KLHL1: variants seen among roughly 807,000 people sequenced by gnomAD.
KLHL1 encodes kelch-like protein 1.
KLHL1 carries 47 observed loss-of-function variants against 77.7 expected under a neutral mutation model. The observed-to-expected ratio is 0.60, with a 90% CI of 0.48 to 0.77. The LOEUF is 0.77. Among genes scored for constraint, KLHL1 ranks in the 30% least tolerant of loss-of-function variants. KLHL1 has a pLI of 0.00. For synonymous variants in KLHL1, 360 were observed against 325.2 expected (o/e 1.11, Z -1.15); for missense variants, 925 against 910.8 (o/e 1.02, Z -0.20).
chr13:69,991,968 C>G (rs954324771), intron 1 of KLHL1, among the ~76,000 whole-genome samples: 12 of 151,874 alleles, frequency 7.9e-5, no homozygotes, highest in South Asian at 2.1e-4. Flanking sequence ...GAAGTGTTGT[C>G]CCTGAACATC....
intron 6 of KLHL1, among the ~76,000 whole-genome samples, chr13:69,828,733 G>A (rs1302583507): frequency 6.7e-6 from 1 of 150,048 alleles, no homozygotes; most frequent in Non-Finnish European, 1.5e-5. Flanking sequence ...TGGGAATAAG[G>A]CTGGCCTTGC....
intron 1 of KLHL1, among the ~76,000 whole-genome samples, chr13:70,089,695 A>G (rs1481773440): frequency 3.9e-5 from 6 of 152,160 alleles, no homozygotes; most frequent in Non-Finnish European, 8.8e-5. Context: ...GATTTAACTC[A>G]TGATTTTCCA....
chr13:69,754,273 C>G (rs551674330), intron 7 of KLHL1, among the ~76,000 whole-genome samples: 1 of 152,140 alleles, frequency 6.6e-6, no homozygotes, highest in Admixed American at 6.5e-5. Context: ...TAATTATTCT[C>G]AAAAATATAT....
At chr13:69,960,205 A>G (rs2137268710) in intron 3 of KLHL1, among the ~76,000 whole-genome samples, 1 of 150,370 alleles carries the variant, frequency 6.7e-6, no homozygotes. Flanking sequence ...CTAAAAGAGG[A>G]CAGAGTCCTC....
At chr13:70,019,439 T>C (rs1885736401) in intron 1 of KLHL1, among the ~76,000 whole-genome samples, 1 of 151,568 alleles carries the variant, frequency 6.6e-6, no homozygotes, top group South Asian at 2.1e-4. Context: ...TTCACTTATC[T>C]CAGTGAAGAG....
chr13:70,100,363 T>G (rs1379805884), intron 1 of KLHL1, among the ~76,000 whole-genome samples: 1 of 152,160 alleles, frequency 6.6e-6, no homozygotes, highest in African/African-American at 2.4e-5. Flanking sequence ...TTTTGTATGT[T>G]TATTCTGTAT....
At chr13:69,725,130 G>C (rs1381066121) in intron 8 of KLHL1, among the ~76,000 whole-genome samples, 1 of 152,082 alleles carries the variant, frequency 6.6e-6, no homozygotes, top group Non-Finnish European at 1.5e-5. Context: ...TTATGATTCT[G>C]GTCAAGGAAC....
intron 4 of KLHL1, among the ~76,000 whole-genome samples, chr13:69,939,340 C>CATACATATATATATATATAT (rs1555283221): frequency 1.6e-5 from 1 of 60,844 alleles, no homozygotes; most frequent in African/African-American, 6.8e-5. Context: ...CATATACATA[C>CATACATATATATATATATAT]ATATATATAT....
chr13:70,009,252 T>C (rs999215408), intron 1 of KLHL1, among the ~76,000 whole-genome samples: 11 of 152,032 alleles, frequency 7.2e-5, no homozygotes, highest in Non-Finnish European at 1.6e-4. Flanking sequence ...AATGAAATCA[T>C]AGGGGTGAAA....
At chr13:69,992,787 A>G (rs2137315047) in intron 1 of KLHL1, among the ~76,000 whole-genome samples, 1 of 152,144 alleles carries the variant, frequency 6.6e-6, no homozygotes, top group South Asian at 2.1e-4. Flanking sequence ...CTTTGATCCA[A>G]TATGTCATTG....
intron 7 of KLHL1, among the ~76,000 whole-genome samples, chr13:69,781,368 C>A (rs1281300531): frequency 2.8e-5 from 4 of 142,846 alleles, no homozygotes; most frequent in African/African-American, 1.1e-4. Context: ...ATTGGCAGAA[C>A]CCACAATGCA....
intron 1 of KLHL1, among the ~76,000 whole-genome samples, chr13:70,035,358 ATTGT>A (rs1359703072): frequency 1.3e-5 from 2 of 152,102 alleles, no homozygotes; most frequent in Non-Finnish European, 2.9e-5. Flanking sequence ...TATGTTCTCA[ATTGT>A]TTGTGGGAGC....
intron 1 of KLHL1, among the ~76,000 whole-genome samples, chr13:70,044,255 C>G (rs1886444036): frequency 6.6e-6 from 1 of 152,176 alleles, no homozygotes; most frequent in African/African-American, 2.4e-5. Flanking sequence ...GCTCTTCACT[C>G]TCTTAAATAT....
At position 70,021,640 on chromosome 13, in the gene KLHL1, G is replaced by C. The variant is rs190416051; in HGVS notation, c.498-45838C>G. On this transcript the variant is annotated intron_variant, in intron 1 of 10. Transcript: ENST00000377844. The stretch of plus-strand genomic sequence containing the variant: ...TTGTATTCCCATCAGCAATGAATGA[G>C]AATTCTTCTTCTTCCACGTCCTTGC... 2.9e-3 allele frequency among the ~76,000 whole-genome samples: 435 copies of C among 152,044 alleles called. 3 individuals are homozygous for C. The highest frequency in any genetic ancestry group is 9.8e-3 in the African/African-American group (406 of 41,470).
At chr13:70,100,022 G>C (rs974809954) in intron 1 of KLHL1, among the ~76,000 whole-genome samples, 3 of 151,540 alleles carry the variant, frequency 2.0e-5, no homozygotes, top group Admixed American at 6.6e-5. Context: ...TTTATTCTAG[G>C]TCCTTTGAAT....
chr13:69,945,661 C>A (rs545412674), intron 3 of KLHL1, among the ~76,000 whole-genome samples: 1 of 152,126 alleles, frequency 6.6e-6, no homozygotes, highest in East Asian at 1.9e-4. Context: ...ACAAAAAATG[C>A]TCAATATTAT....
Position 69,983,589 on chromosome 13 carries a change from A to AAAAAAAAAAAAAAAAAAAAAAAAAAG in KLHL1, c.498-7788_498-7787insCTTTTTTTTTTTTTTTTTTTTTTTTT, listed in dbSNP as rs1216543322. On this transcript the variant is annotated intron_variant, in intron 1 of 10. Transcript: ENST00000377844. ...ACCCTATCTTTACAAAAAAAAAAAA[A>AAAAAAAAAAAAAAAAAAAAAAAAAAG]AAGAAGAAGAAGAAGAGAAAAAAAA... Among the ~76,000 whole-genome samples, 22 of 132,134 alleles carry AAAAAAAAAAAAAAAAAAAAAAAAAAG rather than the reference A, an allele frequency of 1.7e-4. 1 individual carries two copies. Among genetic ancestry groups the AAAAAAAAAAAAAAAAAAAAAAAAAAG allele is most frequent in the African/African-American group, 5.6e-4 (15 of 26,820 alleles). 86.7% of individuals were successfully genotyped at this position (132,134 alleles called of 152,430 possible).
chr13:69,870,209 C>T (rs1038775830), intron 5 of KLHL1, among the ~76,000 whole-genome samples: 7 of 152,038 alleles, frequency 4.6e-5, no homozygotes, highest in African/African-American at 7.2e-5. Context: ...TGCTGCCACT[C>T]GTAGTGGAAG....
intron 7 of KLHL1, among the ~76,000 whole-genome samples, chr13:69,780,707 T>TATATATATATATAC (rs1876111913): frequency 5.3e-5 from 2 of 37,762 alleles, no homozygotes; most frequent in South Asian, 7.4e-4. Flanking sequence ...TATATGTATA[T>TATATATATATATAC]ATATATATGT....
Sources: allele counts gnomAD v4.1 joint callset (sites outside exome capture counted in the v4.1 genomes callset), GRCh38; gene constraint gnomAD v4.1.1; transcripts MANE v1.5; gene names NCBI Gene and HGNC (gene_info 2026-07-23, HGNC 2026-07-21).